SPATS2L: variants seen among roughly 807,000 people sequenced by gnomAD.
The protein encoded by SPATS2L is SPATS2-like protein.
In SPATS2L, 30 loss-of-function variants were observed where a neutral mutation model predicts 59.6. That is an observed-to-expected ratio of 0.50 (90% CI 0.38 to 0.68). The LOEUF is 0.68. SPATS2L is among the 30% of genes least tolerant of loss of function. The pLI is 0.00. For synonymous variants in SPATS2L, 252 were observed against 263.5 expected (o/e 0.96, Z 0.42); for missense variants, 615 against 700.0 (o/e 0.88, Z 1.37).
intron 6 of SPATS2L, among the ~76,000 whole-genome samples, chr2:200,425,129 C>A (rs1430276041): frequency 1.2e-3 from 1 of 824 alleles, no homozygotes; most frequent in African/African-American, 3.6e-3. Context: ...GTTCCCCCCG[C>A]CCCCCCCCCC....
At chr2:200,458,994 C>T (rs1574655671) in intron 8 of SPATS2L, among the ~76,000 whole-genome samples, 1 of 152,178 alleles carries the variant, frequency 6.6e-6, no homozygotes, top group African/African-American at 2.4e-5. Flanking sequence ...TTTGCTGAAA[C>T]CTCTCTTCAC....
intron 3 of SPATS2L, among the ~76,000 whole-genome samples, chr2:200,397,838 A>G (rs1318824321): frequency 6.6e-6 from 1 of 152,116 alleles, no homozygotes; most frequent in African/African-American, 2.4e-5. Context: ...ATTAGAAAAA[A>G]AAACCCACAT....
intron 1 of SPATS2L, among the ~76,000 whole-genome samples, chr2:200,328,481 T>C (rs1406184092): frequency 6.6e-6 from 1 of 152,298 alleles, no homozygotes; most frequent in South Asian, 2.1e-4. Flanking sequence ...AATCCTCTTA[T>C]TTAAAGATTA....
At chr2:200,412,544 C>T (rs1161051552) in intron 4 of SPATS2L, 125 bp downstream of exon 4, 2 of 463,130 alleles carry the variant, frequency 4.3e-6, no homozygotes, top group East Asian at 3.5e-5. Flanking sequence ...TAGAAATGTG[C>T]GAGGTTTCAC....
chr2:200,419,129 C>A (rs1483626269), intron 5 of SPATS2L, 121 bp from the exon 6 acceptor site: 7 of 870,840 alleles, frequency 8.0e-6, no homozygotes, highest in Admixed American at 3.0e-5. Context: ...ATTCTTCATC[C>A]AGTCTATAAG....
At chr2:200,324,468 C>T (rs748025096) in intron 1 of SPATS2L, among the ~76,000 whole-genome samples, 3 of 152,158 alleles carry the variant, frequency 2.0e-5, no homozygotes, top group Non-Finnish European at 2.9e-5. Flanking sequence ...TCCTTCGACA[C>T]AGGGAACTAT....
chr2:200,440,818 G>T, intron 8 of SPATS2L, 34 bp downstream of exon 8: 1 of 1,608,716 alleles, frequency 6.2e-7, no homozygotes, highest in South Asian at 1.1e-5. Context: ...ATAAATTTGT[G>T]ATGCTTGAGC....
chr2:200,383,545 C>T (rs755650206), intron 2 of SPATS2L, among the ~76,000 whole-genome samples: 2 of 152,144 alleles, frequency 1.3e-5, no homozygotes, highest in Non-Finnish European at 1.5e-5. Flanking sequence ...CCCACACCAA[C>T]TGACCTTGGG....
Position 200,440,752 on chromosome 2 carries a change from G to A in SPATS2L, c.756G>A (p.Lys252=), listed in dbSNP as rs1354089694. The part of the protein sequence containing the change: ...IKEEVDSSVK[K]IKAAFAELHN... Reference sequence around the variant, plus strand: ...AAGAAGTGGATAGTTCCGTGAAGAAGATCAAAGCTGCCTTTGCTGAATTAC... The same window carrying A: ...AAGAAGTGGATAGTTCCGTGAAGAAAATCAAAGCTGCCTTTGCTGAATTAC... Residue 252 remains lysine (K), a synonymous_variant, in exon 8 of 13, where the codon AAG becomes AAA. Transcript: ENST00000409140. The A allele has an allele frequency of 6.2e-7, 1 of 1,613,620 alleles. No homozygotes were observed. Among genetic ancestry groups the A allele is most frequent in the Admixed American group, 1.7e-5 (1 of 59,988 alleles).
intron 1 of SPATS2L, 112 bp downstream of exon 1, chr2:200,307,034 G>C: frequency 1.1e-6 from 1 of 896,878 alleles, no homozygotes; most frequent in East Asian, 1.2e-4. Context: ...GCATTCCGCA[G>C]CCCGGGCCGC....
chr2:200,318,321 C>T (rs921592537), intron 1 of SPATS2L, among the ~76,000 whole-genome samples: 3 of 152,168 alleles, frequency 2.0e-5, no homozygotes, highest in African/African-American at 7.2e-5. Context: ...TACTGAGCTT[C>T]CAGTGACTTG....
intron 2 of SPATS2L, among the ~76,000 whole-genome samples, chr2:200,340,296 T>C (rs946050628): frequency 2.4e-4 from 36 of 152,194 alleles, no homozygotes; most frequent in African/African-American, 8.2e-4. Flanking sequence ...TTTGTAGTTA[T>C]TCTGGCCACC....
intron 8 of SPATS2L, among the ~76,000 whole-genome samples, chr2:200,442,598 C>T (rs2084772097): frequency 6.6e-6 from 1 of 152,240 alleles, no homozygotes; most frequent in South Asian, 2.1e-4. Flanking sequence ...TCTGAGCCCT[C>T]TGTGTGATAC....
intron 3 of SPATS2L, among the ~76,000 whole-genome samples, chr2:200,409,867 T>C (rs2082814561): frequency 6.6e-6 from 1 of 152,202 alleles, no homozygotes; most frequent in Non-Finnish European, 1.5e-5. Flanking sequence ...TTTTTTCTTT[T>C]GAAGAAGGAT....
At chr2:200,464,737 C>T (rs761367195) in intron 9 of SPATS2L, among the ~76,000 whole-genome samples, 9 of 151,886 alleles carry the variant, frequency 5.9e-5, no homozygotes, top group Non-Finnish European at 1.3e-4. Flanking sequence ...CCTCAGCCTC[C>T]GAAAGTGCTA....
Position 200,452,992 on chromosome 2 carries a change from C to T in SPATS2L, c.789-6777C>T, listed in dbSNP as rs559378563. 3.5e-4 allele frequency among the ~76,000 whole-genome samples: 53 copies of T among 152,112 alleles called. 1 individual carries two copies. The highest frequency in any genetic ancestry group is 1.3e-3 in the African/African-American group (53 of 41,468). On this transcript the variant is annotated intron_variant, in intron 8 of 12. Coordinates refer to ENST00000409140, the MANE Select transcript of SPATS2L (RefSeq NM_001100423.2). Reference sequence around the variant, plus strand: ...TATACAGAGTGGAAGGTGACAGACCCGGGAATTCCAGCAGTGTAACAATAA... The same window carrying T: ...TATACAGAGTGGAAGGTGACAGACCTGGGAATTCCAGCAGTGTAACAATAA...
At chr2:200,363,027 C>T (rs867875685) in intron 2 of SPATS2L, among the ~76,000 whole-genome samples, 1 of 152,122 alleles carries the variant, frequency 6.6e-6, no homozygotes, top group South Asian at 2.1e-4. Flanking sequence ...CATGCATGAT[C>T]ACTGTGATTT....
At position 200,477,994 on chromosome 2, in the gene SPATS2L, C is replaced by T; in HGVS notation, c.1640C>T (p.Ala547Val). The T allele has an allele frequency of 6.3e-7, 1 of 1,584,372 alleles. No individual in the cohort carries two copies. The highest frequency in any genetic ancestry group is 8.6e-7 in the Non-Finnish European group (1 of 1,164,636). Reference protein sequence around the residue: ...PTRIEVSTDAAVLSVPAVTLV... With the variant: ...PTRIEVSTDAVVLSVPAVTLV... The stretch of plus-strand genomic sequence containing the variant: ...AGAATAGAAGTTTCCACAGATGCAG[C>T]AGTTCTCTCAGTCCCGGCTGTGACG... The change falls in exon 13 of 13, where the codon GCA (alanine) becomes GTA (valine). Residue 547 changes from alanine to valine, a missense_variant. Physicochemically the swap from Ala to Val is moderately conservative, Grantham distance 64. Around this residue, in one of 3 missense-constraint regions of SPATS2L, gnomAD observed 284 missense variants for 280.1 expected, o/e 1.01. Coordinates refer to ENST00000409140, the MANE Select transcript of SPATS2L (RefSeq NM_001100423.2).
intron 9 of SPATS2L, among the ~76,000 whole-genome samples, chr2:200,464,279 C>CT (rs1206359108): frequency 1.3e-5 from 2 of 152,272 alleles, no homozygotes. Context: ...AGTTTTAAGG[C>CT]TTTTTTCATA....
Sources: gnomAD v4.1 joint callset for allele counts (sites outside exome capture counted in the v4.1 genomes callset) on GRCh38, gnomAD v4.1.1 for gene constraint, gnomAD v4.1.1 regional missense constraint, MANE v1.5 for transcripts, NCBI Gene and HGNC (gene_info 2026-07-23, HGNC 2026-07-21) for gene names.